The following HEXB variants were observed in gnomAD, a reference collection of about 807,000 sequenced individuals.
The protein encoded by HEXB is hexosaminidase subunit beta.
A neutral mutation model predicts 71.2 loss-of-function variants in HEXB; 51 were observed. That is an observed-to-expected ratio of 0.72 (90% CI 0.57 to 0.90). The LOEUF is 0.90. Ranked by LOEUF, HEXB falls within the 40% of genes least tolerant of loss-of-function variation. The pLI, the probability that HEXB is intolerant of heterozygous loss-of-function variation, is 0.00. For synonymous variants in HEXB, 266 were observed against 249.3 expected, an observed-to-expected ratio of 1.07 and a Z score of -0.63; for missense variants, 617 against 677.0, an observed-to-expected ratio of 0.91 and a Z score of 0.98.
At chr5:74,711,858 T>A (rs1200777108) in intron 6 of HEXB, among the ~76,000 whole-genome samples, 3 of 151,656 alleles carry the variant, frequency 2.0e-5, no homozygotes, top group Non-Finnish European at 4.4e-5. Flanking sequence ...TCAACCATTG[T>A]GGAAGTCAGT....
At chr5:74,692,414 C>A (rs1443719132) in intron 2 of HEXB, among the ~76,000 whole-genome samples, 1 of 151,744 alleles carries the variant, frequency 6.6e-6, no homozygotes. Flanking sequence ...CTTGGGAGGT[C>A]GAGGCTGCAA....
Position 74,711,108 on chromosome 5 carries a change from C to T in HEXB, c.772-2398C>T, listed in dbSNP as rs1375394122. On this transcript the variant is annotated intron_variant, in intron 6 of 13. Coordinates refer to ENST00000261416, the MANE Select transcript of HEXB (RefSeq NM_000521.4). ...AGAGATATAGATCAATGGAACAGAA[C>T]AGAGCCCTCAGAAATAACGCTGCAT... Among the ~76,000 whole-genome samples, 218 of 150,798 alleles carry T rather than the reference C, an allele frequency of 1.4e-3. 1 individual carries two copies. Among genetic ancestry groups the T allele is most frequent in the African/African-American group, 5.2e-3 (213 of 40,944 alleles).
intron 9 of HEXB, chr5:74,716,893 T>TA (rs1389885629): frequency 2.5e-6 from 1 of 405,360 alleles, no homozygotes; most frequent in Non-Finnish European, 4.7e-6. Flanking sequence ...TCATCTGTTC[T>TA]AAAAACTCAG....
At chr5:74,679,881 A>G (rs909088180) in intron 1 of HEXB, among the ~76,000 whole-genome samples, 3 of 151,542 alleles carry the variant, frequency 2.0e-5, no homozygotes, top group African/African-American at 7.3e-5. Context: ...CATGGTCTAA[A>G]TAGGAAACCC....
intron 1 of HEXB, among the ~76,000 whole-genome samples, chr5:74,664,673 A>G (rs820859): frequency 0.26 from 39,889 of 151,910 alleles, 5,409 homozygotes; most frequent in Non-Finnish European, 0.29. Flanking sequence ...CATAAAGGAA[A>G]GGGTTACAGA....
At chr5:74,711,036 A>G (rs1473451914) in intron 6 of HEXB, among the ~76,000 whole-genome samples, 164 of 150,756 alleles carry the variant, frequency 1.1e-3, no homozygotes, top group South Asian at 1.3e-3. Flanking sequence ...TTCAAACTAT[A>G]CTACAAGGCT....
rs1182075193 is a variant in HEXB, at chr5:74,721,114, A to G, written c.1614-4A>G. On this transcript the variant is annotated splice_polypyrimidine_tract_variant and splice_region_variant and intron_variant, in intron 13 of 13. Coordinates refer to ENST00000261416, the MANE Select transcript of HEXB (RefSeq NM_000521.4). ...TAAAATATCTTTATTCATGTTATCT[A>G]CAGACGTGGAATAGCTGCACAACCT... The G allele has an allele frequency of 1.2e-6, 2 of 1,604,456 alleles. No homozygotes were observed. The highest frequency in any genetic ancestry group is 8.5e-7 in the Non-Finnish European group (1 of 1,171,460).
At chr5:74,714,588 C>A (rs1749629097) in intron 7 of HEXB, among the ~76,000 whole-genome samples, 1 of 152,136 alleles carries the variant, frequency 6.6e-6, no homozygotes, top group Non-Finnish European at 1.5e-5. Context: ...GGCTTTGGAG[C>A]CAGACAGCTT....
At chr5:74,713,366 A>T (rs1374023422) in intron 6 of HEXB, 140 bp from the exon 7 acceptor site, 9 of 780,072 alleles carry the variant, frequency 1.2e-5, no homozygotes, top group Non-Finnish European at 1.7e-5. Context: ...TAAATGAGTC[A>T]TCTAATATCA....
intron 1 of HEXB, among the ~76,000 whole-genome samples, chr5:74,653,192 A>G (rs1009507593): frequency 1.3e-5 from 2 of 152,184 alleles, no homozygotes; most frequent in East Asian, 1.9e-4. Flanking sequence ...TGGGTACTCT[A>G]TTGGCCCTTC....
chr5:74,715,728 AAAG>A lies in HEXB; in HGVS notation c.1082+40_1082+42del, dbSNP rs754126785. The A allele has an allele frequency of 4.2e-5, 61 of 1,457,646 alleles. 1 individual carries two copies. Among genetic ancestry groups the A allele is most frequent in the Admixed American group, 5.1e-5 (3 of 59,044 alleles). 90.3% of individuals were successfully genotyped at this position (1,457,646 alleles called of 1,614,324 possible). A position where few individuals can be genotyped will look rare whatever the true frequency, so the allele number is the denominator to read the frequency against. ...CTTAAAACCCCTTTAAAAAAAAAAAAAAGAGAGGCTGGGTGCGGTGGCTCACGC... is the reference window on the plus strand; with the variant it reads ...CTTAAAACCCCTTTAAAAAAAAAAAAAGAGGCTGGGTGCGGTGGCTCACGC... On this transcript the variant is annotated intron_variant, in intron 8 of 13. Transcript: ENST00000261416.
chr5:74,665,438 A>G (rs1470456395), intron 1 of HEXB, among the ~76,000 whole-genome samples: 10 of 148,016 alleles, frequency 6.8e-5, no homozygotes, highest in Admixed American at 6.0e-4. Flanking sequence ...GTGTGTGTGT[A>G]GGAGGAGGAG....
intron 1 of HEXB, among the ~76,000 whole-genome samples, chr5:74,651,893 ATCTCCAGGT>A (rs1408364775): frequency 1.3e-5 from 2 of 152,238 alleles, no homozygotes; most frequent in African/African-American, 4.8e-5. Flanking sequence ...GCCAGAGCAT[ATCTCCAGGT>A]TCACAATAAG....
chr5:74,694,337 A>G (rs1439523932), intron 3 of HEXB, among the ~76,000 whole-genome samples: 3 of 152,202 alleles, frequency 2.0e-5, no homozygotes, highest in East Asian at 3.8e-4. Context: ...TGTTTCAGCT[A>G]TCACTTCTGT....
At chr5:74,662,449 C>T (rs1748344999) in intron 1 of HEXB, among the ~76,000 whole-genome samples, 2 of 152,186 alleles carry the variant, frequency 1.3e-5, no homozygotes, top group Non-Finnish European at 1.5e-5. Flanking sequence ...ATCATTCTCC[C>T]TATTGTTGAG....
chr5:74,662,118 A>G (rs895616147), intron 1 of HEXB, among the ~76,000 whole-genome samples: 1 of 152,256 alleles, frequency 6.6e-6, no homozygotes, highest in Non-Finnish European at 1.5e-5. Context: ...GCAGAAAGAA[A>G]AAAAGAAATC....
intron 1 of HEXB, among the ~76,000 whole-genome samples, chr5:74,643,837 T>G (rs1747952213): frequency 6.6e-6 from 1 of 152,156 alleles, no homozygotes; most frequent in Non-Finnish European, 1.5e-5. Context: ...CCTCCGGTGG[T>G]CTCCTGAAGC....
intron 1 of HEXB, among the ~76,000 whole-genome samples, chr5:74,667,417 C>CT (rs1561206987): frequency 6.8e-6 from 1 of 146,738 alleles, no homozygotes. Context: ...AAAACTCTCT[C>CT]AAAAAAAAAA....
intron 1 of HEXB, among the ~76,000 whole-genome samples, chr5:74,642,822 G>C (rs1284269923): frequency 2.6e-5 from 4 of 152,172 alleles, no homozygotes; most frequent in Non-Finnish European, 4.4e-5. Flanking sequence ...AGGCAGGGCT[G>C]AGAAAGGAAA....
Sources: allele counts gnomAD v4.1 joint callset (sites outside exome capture counted in the v4.1 genomes callset), GRCh38; gene constraint gnomAD v4.1.1; transcripts MANE v1.5; gene names NCBI Gene and HGNC (gene_info 2026-07-23, HGNC 2026-07-21).